Variants in CTNNA3 observed in about 807,000 individuals in gnomAD.
CTNNA3 encodes the protein catenin alpha 3.
In CTNNA3, 76 loss-of-function variants were observed where a neutral mutation model predicts 95.7. The observed-to-expected ratio is 0.79, with a 90% CI of 0.66 to 0.96. CTNNA3 has a LOEUF of 0.96. CTNNA3 is among the 40% of genes least tolerant of loss of function. The pLI is 0.00. For synonymous variants in CTNNA3, 431 were observed against 374.4 expected (o/e 1.15, Z -1.74); for missense variants, 1,191 against 1,089.8 (o/e 1.09, Z -1.31).
At chr10:67,330,163 C>G (rs1414660759) in intron 5 of CTNNA3, among the ~76,000 whole-genome samples, 2 of 152,186 alleles carry the variant, frequency 1.3e-5, no homozygotes, top group South Asian at 4.1e-4. Context: ...TACTGTTGGT[C>G]ATTAATTTAG....
intron 13 of CTNNA3, among the ~76,000 whole-genome samples, chr10:66,251,962 A>T (rs1161281753): frequency 6.6e-6 from 1 of 152,180 alleles, no homozygotes; most frequent in Non-Finnish European, 1.5e-5. Flanking sequence ...TTTAAACTCC[A>T]GGCAGTTTGA....
intron 15 of CTNNA3, among the ~76,000 whole-genome samples, chr10:66,015,088 C>A (rs184513065): frequency 6.7e-6 from 1 of 149,614 alleles, no homozygotes; most frequent in Admixed American, 6.7e-5. Context: ...GGTGACAGAG[C>A]GAGACTCTGT....
chr10:67,516,329 T>G (rs1252515896), intron 5 of CTNNA3, among the ~76,000 whole-genome samples: 1 of 152,216 alleles, frequency 6.6e-6, no homozygotes, highest in African/African-American at 2.4e-5. Context: ...ACTTTTTTCT[T>G]GCTATAAGTC....
At chr10:66,745,561 A>T (rs1004595287) in intron 9 of CTNNA3, among the ~76,000 whole-genome samples, 2 of 149,068 alleles carry the variant, frequency 1.3e-5, no homozygotes, top group Non-Finnish European at 3.0e-5. Flanking sequence ...TACATGGAGG[A>T]TCTAATGGTA....
Position 66,221,027 on chromosome 10 carries a change from C to T in CTNNA3, c.1884+59443G>A, listed in dbSNP as rs113635635. ...GATCGCCCGCTTCTACCCAGTATTT[C>T]CCTGCCCTCTGTCCATATCACTTTT... On this transcript the variant is annotated intron_variant, in intron 13 of 17. Coordinates refer to ENST00000433211, the MANE Select transcript of CTNNA3 (RefSeq NM_013266.4). Among the ~76,000 whole-genome samples, 310 of 152,300 alleles carry T rather than the reference C, an allele frequency of 2.0e-3. 2 individuals are homozygous for T. Among genetic ancestry groups the T allele is most frequent in the African/African-American group, 7.3e-3 (302 of 41,570 alleles).
chr10:66,191,932 C>A (rs77479998), intron 13 of CTNNA3, among the ~76,000 whole-genome samples: 1 of 152,118 alleles, frequency 6.6e-6, no homozygotes, highest in African/African-American at 2.4e-5. Flanking sequence ...GGAGTGGGTT[C>A]TTTCTTGTGG....
intron 3 of CTNNA3, among the ~76,000 whole-genome samples, chr10:67,590,036 G>A (rs2133344006): frequency 6.6e-6 from 1 of 152,160 alleles, no homozygotes; most frequent in South Asian, 2.1e-4. Flanking sequence ...GTATCACTAT[G>A]CTGACTACAC....
intron 7 of CTNNA3, among the ~76,000 whole-genome samples, chr10:66,962,859 T>G (rs1305396255): frequency 6.6e-6 from 1 of 152,204 alleles, no homozygotes; most frequent in Non-Finnish European, 1.5e-5. Context: ...TTTATTCATT[T>G]GTTTATCTGT....
At chr10:66,120,816 T>A (rs557699930) in intron 13 of CTNNA3, among the ~76,000 whole-genome samples, 5 of 152,258 alleles carry the variant, frequency 3.3e-5, no homozygotes, top group African/African-American at 1.2e-4. Context: ...TTAAAAGGCA[T>A]GTATAGGCAA....
intron 5 of CTNNA3, among the ~76,000 whole-genome samples, chr10:67,440,961 A>G (rs1846489528): frequency 6.6e-6 from 1 of 152,176 alleles, no homozygotes; most frequent in Non-Finnish European, 1.5e-5. Flanking sequence ...TAAATAAGGC[A>G]CCAGGGACCA....
In CTNNA3 at chr10:66,129,074, G is replaced by A. The variant is rs533718325; in HGVS notation, c.1885-25825C>T. Among the ~76,000 whole-genome samples the A allele has an allele frequency of 2.6e-5, 4 of 152,300 alleles. No homozygotes were observed. In the South Asian group the frequency reaches 6.2e-4, roughly 24 times the overall value. On this transcript the variant is annotated intron_variant, in intron 13 of 17. Transcript: ENST00000433211. ...GAGGTCGGAAGTTCAAGATCAGCCTGACCAACATAGAGAAACACCATTTCT... is the reference window on the plus strand; with the variant it reads ...GAGGTCGGAAGTTCAAGATCAGCCTAACCAACATAGAGAAACACCATTTCT...
chr10:67,234,429 C>T (rs543587356), intron 5 of CTNNA3, among the ~76,000 whole-genome samples: 5 of 152,294 alleles, frequency 3.3e-5, no homozygotes, highest in South Asian at 2.1e-4. Flanking sequence ...ATTATCTCAA[C>T]AGATGCAGAA....
intron 7 of CTNNA3, among the ~76,000 whole-genome samples, chr10:66,994,410 G>A (rs1303378377): frequency 6.6e-6 from 1 of 152,144 alleles, no homozygotes; most frequent in East Asian, 1.9e-4. Flanking sequence ...ATGGAATGAA[G>A]CTCAGTGTGA....
intron 11 of CTNNA3, among the ~76,000 whole-genome samples, chr10:66,498,922 C>T (rs1240919232): frequency 2.6e-5 from 4 of 152,120 alleles, no homozygotes; most frequent in South Asian, 2.1e-4. Context: ...TCACTTTGGA[C>T]GTTACTCCTG....
chr10:66,588,933 A>G (rs1190230646), intron 10 of CTNNA3, among the ~76,000 whole-genome samples: 3 of 133,434 alleles, frequency 2.2e-5, no homozygotes, highest in Admixed American at 1.6e-4. Context: ...TCTGAAGCCA[A>G]CATCAGTTAA....
intron 12 of CTNNA3, among the ~76,000 whole-genome samples, chr10:66,335,381 A>G (rs2092382635): frequency 5.3e-5 from 8 of 151,908 alleles, no homozygotes; most frequent in South Asian, 4.2e-4. Context: ...TTGGTCTTTG[A>G]TGATGGTGAC....
At chr10:67,150,171 T>G (rs1861027434) in intron 7 of CTNNA3, among the ~76,000 whole-genome samples, 1 of 152,186 alleles carries the variant, frequency 6.6e-6, no homozygotes, top group Admixed American at 6.5e-5. Flanking sequence ...TTATTAAACT[T>G]GGAATATCAA....
chr10:66,585,410 G>T (rs1843328164), intron 10 of CTNNA3, among the ~76,000 whole-genome samples: 1 of 151,480 alleles, frequency 6.6e-6, no homozygotes, highest in South Asian at 2.1e-4. Flanking sequence ...TACTTTTGCT[G>T]TGCTGATTGG....
intron 10 of CTNNA3, among the ~76,000 whole-genome samples, chr10:66,537,937 A>G (rs1390833210): frequency 6.6e-6 from 1 of 152,166 alleles, no homozygotes. Context: ...AGGATAAAAG[A>G]TCTGTCATTC....
Sources: allele counts gnomAD v4.1 joint callset (sites outside exome capture counted in the v4.1 genomes callset), GRCh38; gene constraint gnomAD v4.1.1; transcripts MANE v1.5; gene names NCBI Gene and HGNC (gene_info 2026-07-23, HGNC 2026-07-21).